BDH1: variants seen among roughly 807,000 people sequenced by gnomAD.
The protein encoded by BDH1 is 3-hydroxybutyrate dehydrogenase 1.
BDH1 carries 30 observed loss-of-function variants against 33.1 expected under a neutral mutation model. The observed-to-expected ratio is 0.91, with a 90% CI of 0.68 to 1.23. The LOEUF is 1.23. Ranked by LOEUF, BDH1 falls within the 50% of genes most tolerant of loss-of-function variation. The pLI is 0.00. For synonymous variants in BDH1, 190 were observed against 183.6 expected, an observed-to-expected ratio of 1.03 and a Z score of -0.28; for missense variants, 443 against 464.4, an observed-to-expected ratio of 0.95 and a Z score of 0.42.
In BDH1 at chr3:197,525,848, C is replaced by T. The variant is rs908261442; in HGVS notation, c.268-3067G>A. 5.9e-5 allele frequency among the ~76,000 whole-genome samples: 9 copies of T among 152,138 alleles called. No individual in the cohort carries two copies. Among genetic ancestry groups the T allele is most frequent in the Admixed American group, 6.5e-5 (1 of 15,282 alleles). On this transcript the variant is annotated intron_variant, in intron 5 of 7. Transcript: ENST00000392379. The surrounding 1 kb of genome is among the most constrained non-coding windows in gnomAD (Gnocchi z 4.9). ...CCTCCCTGGACCCAGGGTTTCTGTG[C>T]TCCCTCTGCAGGTCTCCGTGCTCCC...
In BDH1 at chr3:197,510,430, G is replaced by A. The variant is rs1177099043; in HGVS notation, c.*1465C>T. 2 of 152,270 alleles carry A rather than the reference G, an allele frequency of 1.3e-5. No individual in the cohort carries two copies. Among genetic ancestry groups the A allele is most frequent in the African/African-American group, 2.4e-5 (1 of 41,440 alleles). The allele number at this position is 152,270 out of a possible 1,614,324, so 9.4% of individuals were successfully genotyped here. A position where few individuals can be genotyped will look rare whatever the true frequency, so the allele number is the denominator to read the frequency against. On this transcript the variant is annotated 3_prime_UTR_variant, in exon 8 of 8. Transcript: ENST00000392379. The stretch of plus-strand genomic sequence containing the variant: ...AGCCCCCTGGAGGACAGTGGTGTTT[G>A]GCTTCGGTCCCAACATACAGGCCCT...
chr3:197,513,613 C>T (rs1244012853), intron 7 of BDH1, among the ~76,000 whole-genome samples: 1 of 152,242 alleles, frequency 6.6e-6, no homozygotes, highest in Non-Finnish European at 1.5e-5. Context: ...TTTGAAGTCA[C>T]TGAAGGGTTG....
At position 197,528,303 on chromosome 3, in the gene BDH1, AGT is replaced by A. The variant is rs4024114; in HGVS notation, c.267+4107_267+4108del. On this transcript the variant is annotated intron_variant, in intron 5 of 7. Coordinates refer to ENST00000392379, the MANE Select transcript of BDH1 (RefSeq NM_203314.3). This position sits in a 1 kb window ranked among gnomAD's most constrained non-coding sequence, Gnocchi z 5.1. ...GTAGGTCTGTATGAGTGAGTGAGTG[AGT>A]GTGTGTGTGTGTGTGTGTGTGTGTG... 6,325 of 131,766 alleles carry A rather than the reference AGT, an allele frequency of 0.048. 375 individuals carry two copies. Among genetic ancestry groups the A allele is most frequent in the African/African-American group, 0.14 (5,449 of 39,112 alleles). The allele number at this position is 131,766 out of a possible 1,614,324, so 8.2% of individuals were successfully genotyped here. A position where few individuals can be genotyped will look rare whatever the true frequency, so the allele number is the denominator to read the frequency against.
At chr3:197,537,895 A>T (rs1434222759) in intron 3 of BDH1, among the ~76,000 whole-genome samples, 1 of 152,170 alleles carries the variant, frequency 6.6e-6, no homozygotes, top group Non-Finnish European at 1.5e-5. Context: ...TTGGCTAGAG[A>T]GAGCAAATTT....
At chr3:197,564,270 C>T (rs1717360373) in intron 1 of BDH1, among the ~76,000 whole-genome samples, 1 of 151,490 alleles carries the variant, frequency 6.6e-6, no homozygotes, top group Non-Finnish European at 1.5e-5. Flanking sequence ...CCAGAAAGTC[C>T]AAGCATGTCA....
chr3:197,539,297 G>A (rs1253079565), intron 3 of BDH1, among the ~76,000 whole-genome samples: 1 of 152,066 alleles, frequency 6.6e-6, no homozygotes, highest in Non-Finnish European at 1.5e-5. Context: ...CCACCACCAC[G>A]CCTGGCTAAG....
intron 3 of BDH1, among the ~76,000 whole-genome samples, chr3:197,541,096 T>A (rs915544679): frequency 6.6e-6 from 1 of 152,180 alleles, no homozygotes; most frequent in African/African-American, 2.4e-5. Context: ...CGCTGTGGGA[T>A]CCCCATCTTA....
chr3:197,540,105 C>T lies in BDH1; in HGVS notation c.83+6256G>A, dbSNP rs187601868. On this transcript the variant is annotated intron_variant, in intron 3 of 7. Coordinates refer to ENST00000392379, the MANE Select transcript of BDH1 (RefSeq NM_203314.3). Reference sequence around the variant, plus strand: ...TCTCTCTTTCACCCAGACTGGAGTGCTGTGGCACAACCTTGGCTCACTGCA... The same window carrying T: ...TCTCTCTTTCACCCAGACTGGAGTGTTGTGGCACAACCTTGGCTCACTGCA... 3.0e-3 allele frequency among the ~76,000 whole-genome samples: 464 copies of T among 152,136 alleles called. 1 individual carries two copies. Among genetic ancestry groups the T allele is most frequent in the African/African-American group, 0.011 (439 of 41,528 alleles).
intron 3 of BDH1, among the ~76,000 whole-genome samples, chr3:197,535,131 C>T (rs1275755199): frequency 6.6e-6 from 1 of 151,980 alleles, no homozygotes; most frequent in Non-Finnish European, 1.5e-5. Context: ...GCCCCTGCCT[C>T]CTAATACCAA....
At chr3:197,519,998 G>A (rs1713356371) in intron 6 of BDH1, among the ~76,000 whole-genome samples, 1 of 152,152 alleles carries the variant, frequency 6.6e-6, no homozygotes, top group African/African-American at 2.4e-5. Flanking sequence ...GGTGGAGAAG[G>A]GGAAGAGGAC....
rs115828150 is a variant in BDH1, at chr3:197,528,042, T to C, written c.267+4370A>G. ...CCTTGCCTATCATCCCCCCTTGGAATATAAGCTCCGCAAGGGCAAGAACTT... is the reference window on the plus strand; with the variant it reads ...CCTTGCCTATCATCCCCCCTTGGAACATAAGCTCCGCAAGGGCAAGAACTT... On this transcript the variant is annotated intron_variant, in intron 5 of 7. Coordinates refer to ENST00000392379, the MANE Select transcript of BDH1 (RefSeq NM_203314.3). This position sits in a 1 kb window ranked among gnomAD's most constrained non-coding sequence, Gnocchi z 5.1. Among the ~76,000 whole-genome samples the C allele has an allele frequency of 3.0e-3, 463 of 152,354 alleles. 4 individuals carry two copies. Among genetic ancestry groups the C allele is most frequent in the African/African-American group, 0.011 (452 of 41,586 alleles).
intron 3 of BDH1, chr3:197,538,229 C>A: frequency 2.2e-6 from 1 of 455,626 alleles, no homozygotes; most frequent in South Asian, 1.6e-5. Context: ...GGATATTAAC[C>A]CAGTAATGAC....
chr3:197,514,531 G>C lies in BDH1; in HGVS notation c.410-115C>G. Reference sequence around the variant, plus strand: ...CTTTCCTGTGACTTCCCAGCCTCTCGCCCAGTGCTCTCAAGAAACTTTCTA... The same window carrying C: ...CTTTCCTGTGACTTCCCAGCCTCTCCCCCAGTGCTCTCAAGAAACTTTCTA... On this transcript the variant is annotated intron_variant, in intron 6 of 7. Coordinates refer to ENST00000392379, the MANE Select transcript of BDH1 (RefSeq NM_203314.3). This position sits in a 1 kb window ranked among gnomAD's most constrained non-coding sequence, Gnocchi z 4.2. 8.0e-7 allele frequency: 1 copy of C among 1,242,710 alleles called. No homozygotes were observed. Among genetic ancestry groups the C allele is most frequent in the East Asian group, 2.5e-5 (1 of 39,528 alleles). The allele number at this position is 1,242,710 out of a possible 1,614,324, so 77.0% of individuals were successfully genotyped here. A position where few individuals can be genotyped will look rare whatever the true frequency, so the allele number is the denominator to read the frequency against.
At chr3:197,543,073 GTGTC>G in intron 3 of BDH1, 1 of 985,406 alleles carries the variant, frequency 1.0e-6, no homozygotes, top group Non-Finnish European at 1.2e-6. Context: ...ACCAGTCTGT[GTGTC>G]TGTGCCTTTT....
intron 2 of BDH1, among the ~76,000 whole-genome samples, chr3:197,551,947 ACT>A (rs1337350177): frequency 6.6e-6 from 1 of 151,988 alleles, no homozygotes; most frequent in African/African-American, 2.4e-5. Flanking sequence ...GAGTCTCAGG[ACT>A]CTGTTCTTGG....
At chr3:197,542,067 C>A (rs937200885) in intron 3 of BDH1, among the ~76,000 whole-genome samples, 3 of 152,236 alleles carry the variant, frequency 2.0e-5, no homozygotes, top group East Asian at 3.9e-4. Flanking sequence ...AGGCTGCAAG[C>A]GGAGGTCGAC....
Position 197,546,494 on chromosome 3 carries a change from A to G in BDH1, c.-43-8T>C. On this transcript the variant is annotated splice_region_variant and splice_polypyrimidine_tract_variant and intron_variant, in intron 2 of 7. Transcript: ENST00000392379. Reference sequence around the variant, plus strand: ...CAGTTCCTCCCGGTGGTTCTGAAACATAAATGCACCCTCAGCATTACTTTG... The same window carrying G: ...CAGTTCCTCCCGGTGGTTCTGAAACGTAAATGCACCCTCAGCATTACTTTG... 1 of 1,546,798 alleles carries G rather than the reference A, an allele frequency of 6.5e-7. No homozygotes were observed. Among genetic ancestry groups the G allele is most frequent in the East Asian group, 2.2e-5 (1 of 44,528 alleles).
intron 1 of BDH1, among the ~76,000 whole-genome samples, chr3:197,565,450 G>A (rs1288915431): frequency 6.6e-6 from 1 of 151,982 alleles, no homozygotes; most frequent in African/African-American, 2.4e-5. Context: ...AATCCTTTAA[G>A]ATATTAGGTT....
upstream of BDH1, among the ~76,000 whole-genome samples, chr3:197,560,076 C>T (rs556517768): frequency 3.3e-5 from 5 of 152,202 alleles, no homozygotes; most frequent in Non-Finnish European, 7.3e-5. Context: ...CAAATTAGCA[C>T]GTTAGTTTTG....
Sources: allele counts gnomAD v4.1 joint callset (sites outside exome capture counted in the v4.1 genomes callset), GRCh38; gene constraint gnomAD v4.1.1; non-coding constraint Gnocchi (gnomAD v3.1); transcripts MANE v1.5; gene names NCBI Gene and HGNC (gene_info 2026-07-23, HGNC 2026-07-21).